The following WDR41 variants were observed in gnomAD, a reference collection of about 807,000 sequenced individuals.
WDR41 encodes WD repeat domain 41.
WDR41 carries 63 observed loss-of-function variants against 69.3 expected under a neutral mutation model. The observed-to-expected ratio is 0.91, with a 90% CI of 0.74 to 1.12. The LOEUF (loss-of-function observed/expected upper bound fraction) is 1.12, where lower values mean the gene tolerates loss of function less well. Among genes scored for constraint, WDR41 ranks in the 50% most tolerant of loss-of-function variants. The pLI is 0.00. For synonymous variants in WDR41, 185 were observed against 192.1 expected (o/e 0.96, Z 0.31); for missense variants, 543 against 534.5 (o/e 1.02, Z -0.16).
intron 2 of WDR41, among the ~76,000 whole-genome samples, chr5:77,478,432 T>C (rs1801067898): frequency 6.6e-6 from 1 of 152,102 alleles, no homozygotes; most frequent in South Asian, 2.1e-4. Flanking sequence ...CTCAATAAAA[T>C]AATGGCAAAC....
chr5:77,536,005 A>T (rs1742967831), intron 1 of WDR41, among the ~76,000 whole-genome samples: 1 of 152,184 alleles, frequency 6.6e-6, no homozygotes, highest in Non-Finnish European at 1.5e-5. Flanking sequence ...AACTTTGGTC[A>T]TCAAAGTCTG....
chr5:77,498,333 A>AT (rs60543411), intron 1 of WDR41, among the ~76,000 whole-genome samples: 16,146 of 152,142 alleles, frequency 0.11, 1,035 homozygotes, highest in Middle Eastern at 0.2. Context: ...TGGATAACTG[A>AT]TTTTTTTACA....
At chr5:77,471,325 G>A (rs1278036718) in intron 2 of WDR41, among the ~76,000 whole-genome samples, 1 of 152,046 alleles carries the variant, frequency 6.6e-6, no homozygotes, top group Admixed American at 6.6e-5. Flanking sequence ...GAGAAAGCAG[G>A]AAAGATCTAA....
Position 77,449,777 on chromosome 5 carries a change from G to A in WDR41, c.680C>T (p.Ser227Leu), listed in dbSNP as rs1799548919. The change falls in exon 8 of 13, where the codon TCA (serine) becomes TTA (leucine). Residue 227 changes from serine (S) to leucine (L), a missense_variant. Coordinates refer to ENST00000296679, the MANE Select transcript of WDR41 (RefSeq NM_018268.4). ...RLLDHQDNIL[S>L]LINVNDLSFV... ...GAGCTTACCATTGACATTAATCAAT[G>A]AGAGAATATTATCCTGGTGATCAAG... is the stretch of plus-strand genomic sequence containing the variant. The A allele has an allele frequency of 6.2e-7, 1 of 1,609,998 alleles. No individual in the cohort carries two copies. Among genetic ancestry groups the A allele is most frequent in the Non-Finnish European group, 8.5e-7 (1 of 1,176,374 alleles).
rs765053100 is a variant in WDR41, at chr5:77,463,102, G to A, written c.341C>T (p.Thr114Ile). 5.0e-5 allele frequency: 81 copies of A among 1,611,388 alleles called. 1 individual carries two copies. Among genetic ancestry groups the A allele is most frequent in the Admixed American group, 4.2e-4 (25 of 59,642 alleles). ...TTCCAGATTAAAGGATACAATAACT[G>A]TTCTATCAGCAGAGGCTGTCAAGAT... ...QLILTASADR[T>I]VIVWDGDTTR... Residue 114 changes from threonine to isoleucine, a missense_variant, in exon 4 of 13, where the codon ACA becomes ATA. Thr to Ile is a moderately conservative substitution (Grantham distance 89). Coordinates refer to ENST00000296679, the MANE Select transcript of WDR41 (RefSeq NM_018268.4).
chr5:77,482,190 C>T (rs1481326704), intron 2 of WDR41, among the ~76,000 whole-genome samples: 1 of 152,116 alleles, frequency 6.6e-6, no homozygotes, highest in African/African-American at 2.4e-5. Context: ...CCAGTCCAAC[C>T]CCTCTGTAAA....
At chr5:77,436,737 AG>A (rs1317617935) in intron 11 of WDR41, among the ~76,000 whole-genome samples, 1 of 152,190 alleles carries the variant, frequency 6.6e-6, no homozygotes, top group Non-Finnish European at 1.5e-5. Context: ...AACAAGGCAT[AG>A]GGGAAAAGCT....
At chr5:77,474,576 T>C (rs1029201047) in intron 2 of WDR41, among the ~76,000 whole-genome samples, 1 of 152,212 alleles carries the variant, frequency 6.6e-6, no homozygotes, top group African/African-American at 2.4e-5. Context: ...CCATAGATGC[T>C]GACGCAACCA....
At chr5:77,608,886 G>A (rs1219178895) in intron 1 of WDR41, among the ~76,000 whole-genome samples, 1 of 152,226 alleles carries the variant, frequency 6.6e-6, no homozygotes, top group African/African-American at 2.4e-5. Flanking sequence ...GGGACAGGGA[G>A]TTCCCTTTCC....
intron 12 of WDR41, among the ~76,000 whole-genome samples, chr5:77,434,406 A>G (rs1370321336): frequency 6.6e-6 from 1 of 152,140 alleles, no homozygotes; most frequent in Non-Finnish European, 1.5e-5. Flanking sequence ...GAAGGGAGGA[A>G]ACATGGGAGC....
intron 1 of WDR41, among the ~76,000 whole-genome samples, chr5:77,544,021 A>C (rs1157999750): frequency 1.3e-5 from 2 of 152,098 alleles, no homozygotes; most frequent in African/African-American, 4.8e-5. Context: ...CAAACAAAAC[A>C]ACAGCCAAGA....
chr5:77,530,577 G>A (rs1802512758), intron 1 of WDR41, among the ~76,000 whole-genome samples: 1 of 151,570 alleles, frequency 6.6e-6, no homozygotes, highest in South Asian at 2.1e-4. Context: ...ATCTATAGTG[G>A]AAAAAAACTT....
At chr5:77,558,806 T>C (rs1160746041) in intron 1 of WDR41, among the ~76,000 whole-genome samples, 1 of 152,220 alleles carries the variant, frequency 6.6e-6, no homozygotes, top group Non-Finnish European at 1.5e-5. Context: ...TAAACCAATA[T>C]GCAAGACATG....
chr5:77,601,807 T>A (rs530905637), intron 1 of WDR41, among the ~76,000 whole-genome samples: 1 of 152,340 alleles, frequency 6.6e-6, no homozygotes, highest in Middle Eastern at 3.4e-3. Flanking sequence ...GCTGAATCTT[T>A]TTAAAAACCT....
At chr5:77,572,284 C>T (rs1743747952) in intron 1 of WDR41, among the ~76,000 whole-genome samples, 1 of 152,178 alleles carries the variant, frequency 6.6e-6, no homozygotes. Flanking sequence ...AATTAAGAGA[C>T]ACAGCAGGAA....
intron 1 of WDR41, among the ~76,000 whole-genome samples, chr5:77,600,929 A>ATGTGTGTGTGTGTGTG (rs71608111): frequency 6.2e-5 from 9 of 144,084 alleles, no homozygotes; most frequent in Admixed American, 1.4e-4. Flanking sequence ...CTCTGTGTGT[A>ATGTGTGTGTGTGTGTG]TGTGTGTGTG....
chr5:77,526,778 A>T (rs749927614), intron 1 of WDR41, among the ~76,000 whole-genome samples: 3 of 152,122 alleles, frequency 2.0e-5, no homozygotes, highest in Non-Finnish European at 4.4e-5. Flanking sequence ...CTTGCTATAT[A>T]TACAGTGATT....
chr5:77,534,232 G>T (rs1742921028), intron 1 of WDR41, among the ~76,000 whole-genome samples: 1 of 151,950 alleles, frequency 6.6e-6, no homozygotes, highest in Non-Finnish European at 1.5e-5. Flanking sequence ...TTATGGATCA[G>T]AATCTTTAAA....
At chr5:77,595,607 A>G (rs1324606653) in intron 1 of WDR41, among the ~76,000 whole-genome samples, 1 of 152,198 alleles carries the variant, frequency 6.6e-6, no homozygotes, top group Non-Finnish European at 1.5e-5. Flanking sequence ...GTTATACTTC[A>G]TTGCAAGATA....
Sources: allele counts gnomAD v4.1 joint callset (sites outside exome capture counted in the v4.1 genomes callset), GRCh38; gene constraint gnomAD v4.1.1; transcripts MANE v1.5; gene names NCBI Gene and HGNC (gene_info 2026-07-23, HGNC 2026-07-21).